The following CD300LD variants were observed in gnomAD, a reference collection of about 807,000 sequenced individuals.
The protein encoded by CD300LD is CMRF35-like molecule 5.
In CD300LD, 18 loss-of-function variants were observed where a neutral mutation model predicts 20.3. The observed-to-expected ratio is 0.89, with a 90% confidence interval of 0.61 to 1.32. The LOEUF (loss-of-function observed/expected upper bound fraction) is 1.32, where lower values mean the gene tolerates loss of function less well. CD300LD is among the 40% of genes most tolerant of loss of function. The pLI is 0.00. For missense variants in CD300LD, 195 were observed against 226.6 expected (o/e 0.86, Z 0.90); for synonymous variants, 104 against 90.1 (o/e 1.15, Z -0.87).
At chr17:74,581,213 C>T (rs2030027504) in intron 3 of CD300LD, among the ~76,000 whole-genome samples, 1 of 151,894 alleles carries the variant, frequency 6.6e-6, no homozygotes, top group South Asian at 2.1e-4. Flanking sequence ...AAGCCAGCTC[C>T]GTGGGTGGAG....
At chr17:74,586,658 C>T (rs1029425774) in intron 2 of CD300LD, among the ~76,000 whole-genome samples, 7 of 152,162 alleles carry the variant, frequency 4.6e-5, no homozygotes, top group Non-Finnish European at 7.3e-5. Flanking sequence ...GATTCGATCT[C>T]CCAGTCAGAG....
At chr17:74,591,965 T>G in intron 1 of CD300LD, 198 bp downstream of exon 1, 1 of 1,469,362 alleles carries the variant, frequency 6.8e-7, no homozygotes, top group South Asian at 1.3e-5. Context: ...TTTTGTTTTG[T>G]GTGTGTTTGT....
chr17:74,591,227 A>G (rs1171561229), intron 1 of CD300LD, among the ~76,000 whole-genome samples: 1 of 148,964 alleles, frequency 6.7e-6, no homozygotes, highest in Non-Finnish European at 1.5e-5. Context: ...CAGCCTGGGC[A>G]TGAAAGTGAG....
intron 1 of CD300LD, among the ~76,000 whole-genome samples, chr17:74,591,602 A>G (rs1182280905): frequency 6.6e-6 from 1 of 152,184 alleles, no homozygotes; most frequent in African/African-American, 2.4e-5. Context: ...GAAAGTTCAT[A>G]ACATTATTAC....
intron 2 of CD300LD, among the ~76,000 whole-genome samples, chr17:74,587,771 T>A (rs1370899970): frequency 6.6e-6 from 1 of 151,484 alleles, no homozygotes; most frequent in Non-Finnish European, 1.5e-5. Context: ...GGGAAGGGGG[T>A]CCCTTTGGCC....
rs1774818069 is a variant in CD300LD, at chr17:74,588,582, T to A, written c.308A>T (p.Asp103Val). 6.2e-7 allele frequency: 1 copy of A among 1,614,184 alleles called. No homozygotes were observed. Reference protein sequence around the residue: ...TMENLKRDDADSYWCGTERPG... With the variant: ...TMENLKRDDAVSYWCGTERPG... ...TCTCTCAGTCCCACACCAATAACTGTCAGCATCATCTCTTTTGAGATTCTC... is the reference window on the plus strand; with the variant it reads ...TCTCTCAGTCCCACACCAATAACTGACAGCATCATCTCTTTTGAGATTCTC... The change falls in exon 2 of 4, where the codon GAC becomes GTC. Residue 103 changes from aspartate (D) to valine (V), a missense_variant. Transcript: ENST00000375352.
In CD300LD at chr17:74,588,643, C is replaced by T; in HGVS notation, c.247G>A (p.Asp83Asn). 1 of 1,614,140 alleles carries T rather than the reference C, an allele frequency of 6.2e-7. No homozygotes were observed. Among genetic ancestry groups the T allele is most frequent in the Non-Finnish European group, 8.5e-7 (1 of 1,180,006 alleles). ...GTGAACACGTGGTTTTTCTGATTGT[C>T]CCTGATGGAAACTCGATTCTTCTTT... ...EVKKNRVSIR[D>N]NQKNHVFTVT... The change falls in exon 2 of 4, where the codon GAC becomes AAC. Residue 83 changes from aspartate (D) to asparagine (N), a missense_variant. Physicochemically the swap from Asp to Asn is conservative, Grantham distance 23 (BLOSUM62 1). Coordinates refer to ENST00000375352, the MANE Select transcript of CD300LD (RefSeq NM_001115152.2).
At chr17:74,582,611 T>A (rs2030060769) in intron 2 of CD300LD, among the ~76,000 whole-genome samples, 1 of 152,234 alleles carries the variant, frequency 6.6e-6, no homozygotes, top group African/African-American at 2.4e-5. Flanking sequence ...CTTTTCTGAG[T>A]CTCGGCCACA....
intron 3 of CD300LD, among the ~76,000 whole-genome samples, chr17:74,581,850 T>G (rs1470011289): frequency 6.6e-6 from 1 of 152,150 alleles, no homozygotes; most frequent in Non-Finnish European, 1.5e-5. Context: ...CTTATTTTCC[T>G]CAAAGGTAAA....
chr17:74,589,112 T>C (rs1028747498), intron 1 of CD300LD, among the ~76,000 whole-genome samples: 68 of 152,362 alleles, frequency 4.5e-4, no homozygotes, highest in Middle Eastern at 3.4e-3. Flanking sequence ...CACCCCTCTC[T>C]CTTTCCCTAT....
chr17:74,584,566 T>C (rs2030112816), intron 2 of CD300LD: 1 of 152,202 alleles, frequency 6.6e-6, no homozygotes. Context: ...TGAAGCCTGT[T>C]GTACAAAGAA....
rs2030232855 is a variant in CD300LD at position 74,588,745 on chromosome 17, A to G, written c.145T>C (p.Leu49=). The change falls in exon 2 of 4, where the codon TTG becomes CTG. Residue 49 remains leucine, a synonymous_variant. Transcript: ENST00000375352. Reference sequence around the variant, plus strand: ...TCAGCTCCTTGACACCGCCACTTCAAGTAGGTCTCCCAGCCTGAGCCATAA... The same window carrying G: ...TCAGCTCCTTGACACCGCCACTTCAGGTAGGTCTCCCAGCCTGAGCCATAA... ...CAYGSGWETY[L]KWRCQGADWN... is the part of the protein sequence containing the mutation. 4.3e-6 allele frequency: 7 copies of G among 1,614,194 alleles called. No individual in the cohort carries two copies. Among genetic ancestry groups the G allele is most frequent in the African/African-American group, 4.0e-5 (3 of 75,070 alleles).
intron 2 of CD300LD, among the ~76,000 whole-genome samples, chr17:74,582,664 G>C (rs996018370): frequency 6.6e-6 from 1 of 152,290 alleles, no homozygotes; most frequent in Admixed American, 6.5e-5. Flanking sequence ...GTGATTCGGC[G>C]GCTGAGCTGG....
chr17:74,591,998 C>T (rs1402490392), intron 1 of CD300LD, 165 bp downstream of exon 1: 19 of 1,545,236 alleles, frequency 1.2e-5, no homozygotes, highest in Non-Finnish European at 1.7e-5. Flanking sequence ...TAACACAGAA[C>T]CTGTCAGATA....
chr17:74,590,465 T>C (rs2030284162), intron 1 of CD300LD: 1 of 152,110 alleles, frequency 6.6e-6, no homozygotes, highest in South Asian at 2.1e-4. Context: ...TTATTATTAT[T>C]ACCCCTGGAT....
chr17:74,589,375 A>G (rs904735612), intron 1 of CD300LD, among the ~76,000 whole-genome samples: 20 of 152,242 alleles, frequency 1.3e-4, no homozygotes, highest in African/African-American at 4.8e-4. Flanking sequence ...CACATCACAC[A>G]GATCTCCATT....
At position 74,579,600 on chromosome 17, in the gene CD300LD, T is replaced by A. The variant is rs181367872; in HGVS notation, c.*402A>T. ...TCAATTCCCCATAGAAATGTTGTTT[T>A]TCTGCCAGGTGCGGTGGCTCACACC... is the stretch of plus-strand genomic sequence containing the variant. On this transcript the variant is annotated 3_prime_UTR_variant, in exon 4 of 4. Coordinates refer to ENST00000375352, the MANE Select transcript of CD300LD (RefSeq NM_001115152.2). 2.4e-5 allele frequency: 4 copies of A among 164,590 alleles called. No homozygotes were observed. Among genetic ancestry groups the A allele is most frequent in the Admixed American group, 2.4e-4 (4 of 16,466 alleles). The allele number at this position is 164,590 out of a possible 1,614,324, so 10.2% of individuals were successfully genotyped here.
At chr17:74,579,225 C>T (rs1385128013), downstream of CD300LD, 1 of 152,234 alleles carries the variant, frequency 6.6e-6, no homozygotes, top group East Asian at 1.9e-4. Flanking sequence ...TAAGTTGGCC[C>T]ATTACCAGAG....
At chr17:74,582,754 C>T (rs2143274099) in intron 2 of CD300LD, among the ~76,000 whole-genome samples, 1 of 152,180 alleles carries the variant, frequency 6.6e-6, no homozygotes, top group East Asian at 1.9e-4. Flanking sequence ...TCCACCTCCG[C>T]TCTTCCCTCT....
Sources: allele counts gnomAD v4.1 joint callset (sites outside exome capture counted in the v4.1 genomes callset), GRCh38; gene constraint gnomAD v4.1.1; transcripts MANE v1.5; gene names NCBI Gene and HGNC (gene_info 2026-07-23, HGNC 2026-07-21).